Variants in DEPTOR observed in about 807,000 individuals in gnomAD.
The protein encoded by DEPTOR is DEP domain containing MTOR interacting protein, also known as DEP domain-containing mTOR-interacting protein.
In DEPTOR, 41 loss-of-function variants were observed where a neutral mutation model predicts 41.6. The ratio of observed to expected loss-of-function variants is 0.98; its 90% CI spans 0.77 to 1.28. The LOEUF is 1.28. Among genes scored for constraint, DEPTOR ranks in the 50% most tolerant of loss-of-function variants. DEPTOR has a pLI of 0.00. For missense variants in DEPTOR, 514 were observed against 527.9 expected, an observed-to-expected ratio of 0.97 and a Z score of 0.26; for synonymous variants, 195 against 192.3, an observed-to-expected ratio of 1.01 and a Z score of -0.12.
chr8:119,897,301 G>A (rs778267790), intron 1 of DEPTOR, among the ~76,000 whole-genome samples: 5 of 152,134 alleles, frequency 3.3e-5, no homozygotes, highest in South Asian at 2.1e-4. Flanking sequence ...TTGGGAGGCC[G>A]AGGTGGGCAG....
intron 3 of DEPTOR, among the ~76,000 whole-genome samples, chr8:119,958,257 G>T (rs1828444175): frequency 6.6e-6 from 1 of 152,144 alleles, no homozygotes. Context: ...ACATGTCTGA[G>T]AGCTGGTGCT....
chr8:119,965,839 A>G (rs1448297174), intron 4 of DEPTOR, among the ~76,000 whole-genome samples: 1 of 152,194 alleles, frequency 6.6e-6, no homozygotes, highest in Non-Finnish European at 1.5e-5. Context: ...CTGAACCATG[A>G]TGTAAGCTGC....
At chr8:119,892,941 C>G (rs1373970078) in intron 1 of DEPTOR, among the ~76,000 whole-genome samples, 2 of 152,120 alleles carry the variant, frequency 1.3e-5, no homozygotes, top group Non-Finnish European at 2.9e-5. Context: ...CGCCACCATG[C>G]CCGGCTAAAT....
intron 3 of DEPTOR, among the ~76,000 whole-genome samples, chr8:119,960,595 C>A (rs1272390196): frequency 6.6e-6 from 1 of 152,188 alleles, no homozygotes; most frequent in African/African-American, 2.4e-5. Flanking sequence ...ACTTACATAG[C>A]ATAACACTTT....
At chr8:119,994,133 A>G (rs1045083346) in intron 4 of DEPTOR, among the ~76,000 whole-genome samples, 1 of 144,070 alleles carries the variant, frequency 6.9e-6, no homozygotes, top group Non-Finnish European at 1.5e-5. Context: ...CAAAAACTCC[A>G]TCTCGAAAAA....
chr8:120,019,422 A>G (rs1035652722), intron 8 of DEPTOR, among the ~76,000 whole-genome samples: 1 of 152,234 alleles, frequency 6.6e-6, no homozygotes. Flanking sequence ...CTCTCCCTCC[A>G]GAGACCCCCT....
At chr8:120,041,822 C>T (rs1813077426) in intron 8 of DEPTOR, among the ~76,000 whole-genome samples, 1 of 152,202 alleles carries the variant, frequency 6.6e-6, no homozygotes, top group Admixed American at 6.5e-5. Context: ...CAGGCGTGAG[C>T]CACTGCACCC....
chr8:119,927,113 A>T (rs767342998), intron 1 of DEPTOR, among the ~76,000 whole-genome samples: 5 of 152,200 alleles, frequency 3.3e-5, no homozygotes, highest in African/African-American at 1.2e-4. Context: ...CAACATATGC[A>T]TATCACAGCA....
chr8:119,901,220 CT>C (rs545986313), intron 1 of DEPTOR, among the ~76,000 whole-genome samples: 1 of 152,138 alleles, frequency 6.6e-6, no homozygotes, highest in Non-Finnish European at 1.5e-5. Flanking sequence ...TTCTATTGGT[CT>C]TTTTATGTTT....
At chr8:119,954,014 C>T (rs964173572) in intron 3 of DEPTOR, among the ~76,000 whole-genome samples, 2 of 145,910 alleles carry the variant, frequency 1.4e-5, no homozygotes, top group Non-Finnish European at 3.0e-5. Context: ...ACATGTTGGC[C>T]AGGCTGGTCT....
chr8:120,016,787 A>T (rs1812618079), intron 8 of DEPTOR, among the ~76,000 whole-genome samples: 1 of 151,952 alleles, frequency 6.6e-6, no homozygotes. Context: ...TACTTTTTGT[A>T]GAGATGGAGT....
intron 8 of DEPTOR, among the ~76,000 whole-genome samples, chr8:120,034,443 C>CTTTTTTTTTTT (rs148465030): frequency 2.9e-4 from 27 of 91,566 alleles, no homozygotes; most frequent in African/African-American, 1.0e-3. Context: ...TTTCCTTTTT[C>CTTTTTTTTTTT]TTTTTTTTTT....
At chr8:119,965,746 A>C (rs568009827) in intron 4 of DEPTOR, among the ~76,000 whole-genome samples, 2 of 152,318 alleles carry the variant, frequency 1.3e-5, no homozygotes, top group East Asian at 3.9e-4. Context: ...TAACTGGCTA[A>C]AGCAAGTCAT....
At chr8:119,928,978 A>G (rs563134138) in intron 2 of DEPTOR, among the ~76,000 whole-genome samples, 5 of 152,294 alleles carry the variant, frequency 3.3e-5, no homozygotes, top group Middle Eastern at 3.4e-3. Flanking sequence ...AAAGTTTTCT[A>G]TCATTATAGA....
At chr8:120,012,834 C>A (rs1412921472) in intron 8 of DEPTOR, among the ~76,000 whole-genome samples, 1 of 151,896 alleles carries the variant, frequency 6.6e-6, no homozygotes, top group Admixed American at 6.6e-5. Context: ...CACGCCCAGC[C>A]GAATTTTTTA....
intron 8 of DEPTOR, among the ~76,000 whole-genome samples, chr8:120,014,788 G>A (rs188635297): frequency 2.6e-5 from 4 of 152,152 alleles, no homozygotes; most frequent in Admixed American, 1.3e-4. Flanking sequence ...CTCCCAAAGT[G>A]CTGAGATTAC....
intron 3 of DEPTOR, among the ~76,000 whole-genome samples, chr8:119,944,365 G>A (rs1019111886): frequency 1.3e-5 from 2 of 152,158 alleles, no homozygotes; most frequent in African/African-American, 2.4e-5. Flanking sequence ...AAGTTGGCAC[G>A]TGATACACTT....
chr8:119,908,111 G>T (rs1050248536), intron 1 of DEPTOR, among the ~76,000 whole-genome samples: 2 of 152,154 alleles, frequency 1.3e-5, no homozygotes, highest in Non-Finnish European at 2.9e-5. Flanking sequence ...AAGGAGTCCG[G>T]AGATCAAACT....
chr8:120,042,076 G>A (rs943626708), intron 8 of DEPTOR, among the ~76,000 whole-genome samples: 7 of 141,232 alleles, frequency 5.0e-5, no homozygotes, highest in Non-Finnish European at 3.0e-5. Context: ...AAACAGATCC[G>A]ATAAAGATAA....
Sources: allele counts gnomAD v4.1 joint callset (sites outside exome capture counted in the v4.1 genomes callset), GRCh38; gene constraint gnomAD v4.1.1; transcripts MANE v1.5; gene names NCBI Gene and HGNC (gene_info 2026-07-23, HGNC 2026-07-21).